The following LONRF1 variants were observed in gnomAD, a reference collection of about 807,000 sequenced individuals.
LONRF1 encodes the protein LON peptidase N-terminal domain and RING finger protein 1.
Under a neutral mutation model 85.8 loss-of-function variants are expected in LONRF1, and 37 were observed. The observed-to-expected ratio is 0.43, with a 90% CI of 0.33 to 0.57. The LOEUF is 0.57. LONRF1 is among the 20% of genes least tolerant of loss of function. The pLI is 0.04. For synonymous variants in LONRF1, 517 were observed against 390.1 expected, an observed-to-expected ratio of 1.33 and a Z score of -3.83; for missense variants, 1,036 against 978.0, an observed-to-expected ratio of 1.06 and a Z score of -0.79.
chr8:12,751,294 A>ATGTTTTTTTTTTTTTTGTTTTT (rs1554469326), intron 1 of LONRF1, among the ~76,000 whole-genome samples: 2 of 84,808 alleles, frequency 2.4e-5, no homozygotes, highest in Non-Finnish European at 4.5e-5. Context: ...TTTTATTTTT[A>ATGTTTTTTTTTTTTTTGTTTTT]TGTTTTTTTT....
At chr8:12,743,112 C>G (rs1799004377) in intron 2 of LONRF1, 52 bp downstream of exon 2, 2 of 1,138,568 alleles carry the variant, frequency 1.8e-6, no homozygotes, top group Admixed American at 1.7e-5. Context: ...GAATGCATGT[C>G]CCTTATAGTT....
At chr8:12,749,038 A>C (rs1443008584) in intron 1 of LONRF1, among the ~76,000 whole-genome samples, 1 of 152,186 alleles carries the variant, frequency 6.6e-6, no homozygotes, top group Non-Finnish European at 1.5e-5. Flanking sequence ...GCTTACCTCT[A>C]AAACACCTAC....
At chr8:12,729,369 A>G in intron 8 of LONRF1, 37 bp from the exon 9 acceptor site, 1 of 1,597,154 alleles carries the variant, frequency 6.3e-7, no homozygotes, top group Non-Finnish European at 8.6e-7. Context: ...GAATTCATAC[A>G]AGAAAAATAT....
At chr8:12,741,540 G>A (rs1015137059) in intron 2 of LONRF1, among the ~76,000 whole-genome samples, 1 of 152,170 alleles carries the variant, frequency 6.6e-6, no homozygotes, top group African/African-American at 2.4e-5. Flanking sequence ...CCAAGTCAGA[G>A]CTGGGCAGGA....
At chr8:12,733,219 T>A (rs1039316386) in intron 7 of LONRF1, among the ~76,000 whole-genome samples, 4 of 152,184 alleles carry the variant, frequency 2.6e-5, no homozygotes, top group African/African-American at 7.2e-5. Context: ...TTAATCAAAT[T>A]AGCTGTCATA....
In LONRF1 at chr8:12,737,049, G is replaced by C; in HGVS notation, c.1205C>G (p.Pro402Arg). ...SAQSINSTEM[P>R]AREDCLKRVS... The stretch of plus-strand genomic sequence containing the variant: ...TCTTTTTAAACAGTCCTCTCTGGCA[G>C]GCATTTCTGTTGAATTTATAGACTG... Residue 402 changes from proline (P) to arginine (R), a missense_variant, in exon 5 of 12, where the codon CCT (proline) becomes CGT (arginine). Transcript: ENST00000398246. The C allele has an allele frequency of 6.2e-7, 1 of 1,613,598 alleles. No individual in the cohort carries two copies. The highest frequency in any genetic ancestry group is 8.5e-7 in the Non-Finnish European group (1 of 1,179,704).
intron 11 of LONRF1, 125 bp from the exon 12 acceptor site, chr8:12,723,379 C>A: frequency 1.3e-6 from 1 of 798,898 alleles, no homozygotes; most frequent in East Asian, 2.6e-5. Flanking sequence ...TCTCCAATGT[C>A]CTTAACAATT....
At chr8:12,750,675 C>T (rs1799345056) in intron 1 of LONRF1, among the ~76,000 whole-genome samples, 2 of 152,142 alleles carry the variant, frequency 1.3e-5, no homozygotes, top group African/African-American at 4.8e-5. Context: ...TAAATGTATT[C>T]AGTATTTACC....
intron 11 of LONRF1, among the ~76,000 whole-genome samples, chr8:12,724,626 A>G (rs1336970420): frequency 1.3e-5 from 2 of 152,260 alleles, no homozygotes; most frequent in Non-Finnish European, 2.9e-5. Context: ...AAGCAGTGAT[A>G]CAGGACAGGA....
intron 1 of LONRF1, among the ~76,000 whole-genome samples, chr8:12,743,876 T>C (rs1372569717): frequency 6.6e-6 from 1 of 152,078 alleles, no homozygotes; most frequent in African/African-American, 2.4e-5. Context: ...ATTCAAAATA[T>C]ATTTAATTTA....
rs150255759 is a variant in LONRF1 at position 12,723,053 on chromosome 8, C to T, written c.*43G>A. On this transcript the variant is annotated 3_prime_UTR_variant, in exon 12 of 12. Coordinates refer to ENST00000398246, the MANE Select transcript of LONRF1 (RefSeq NM_152271.5). ...GCAGCAGACAATCTGGCCATCAATG[C>T]AGCCAGATTAGGGTCACTTTAAAGG... 8.0e-6 allele frequency: 12 copies of T among 1,503,358 alleles called. No homozygotes were observed. In the African/African-American group the frequency reaches 1.5e-4, roughly 19 times the overall value. 93.1% of individuals were successfully genotyped at this position (1,503,358 alleles called of 1,614,324 possible). A position where few individuals can be genotyped will look rare whatever the true frequency, so the allele number is the denominator to read the frequency against.
intron 7 of LONRF1, among the ~76,000 whole-genome samples, chr8:12,733,001 T>C (rs1798585091): frequency 1.3e-5 from 2 of 152,084 alleles, no homozygotes; most frequent in African/African-American, 2.4e-5. Context: ...AAACTGGTGG[T>C]GGTTTTCAAA....
At chr8:12,733,120 G>T (rs1250363394) in intron 7 of LONRF1, among the ~76,000 whole-genome samples, 2 of 152,140 alleles carry the variant, frequency 1.3e-5, no homozygotes, top group South Asian at 2.1e-4. Context: ...CAAGTTGTCA[G>T]GTGACAGATG....
chr8:12,743,153 A>G lies in LONRF1; in HGVS notation c.840+11T>C, dbSNP rs765194290. On this transcript the variant is annotated intron_variant, in intron 2 of 11. Coordinates refer to ENST00000398246, the MANE Select transcript of LONRF1 (RefSeq NM_152271.5). The stretch of plus-strand genomic sequence containing the variant: ...TTTACAATTTATGCAAACATAAAAC[A>G]GTAATTTTACCTCAGGCCAATCTGG... 4.0e-6 allele frequency: 6 copies of G among 1,510,982 alleles called. No homozygotes were observed. The South Asian group carries it at 6.8e-5, about 17-fold the overall frequency. 93.6% of individuals were successfully genotyped at this position (1,510,982 alleles called of 1,614,324 possible).
intron 1 of LONRF1, among the ~76,000 whole-genome samples, chr8:12,748,870 T>G (rs1303833602): frequency 1.3e-5 from 2 of 151,516 alleles, no homozygotes; most frequent in African/African-American, 2.4e-5. Flanking sequence ...TTACCAGGGT[T>G]GAGCTCAAAG....
At chr8:12,725,677 T>C (rs530109080) in intron 11 of LONRF1, 50 bp downstream of exon 11, 11 of 1,569,094 alleles carry the variant, frequency 7.0e-6, no homozygotes, top group Non-Finnish European at 9.6e-6. Context: ...AGTGTGCAAA[T>C]TTGGGTTTAT....
At position 12,738,040 on chromosome 8, in the gene LONRF1, T is replaced by C; in HGVS notation, c.1068A>G (p.Ser356=). The C allele has an allele frequency of 6.2e-7, 1 of 1,610,730 alleles. No individual in the cohort carries two copies. The highest frequency in any genetic ancestry group is 8.5e-7 in the Non-Finnish European group (1 of 1,178,568). ...TGAGAGACTGAGACTCTTCCATCAC[T>C]GAATGAAAATCAAAAGGTCTGTTTT... is the stretch of plus-strand genomic sequence containing the variant. ...CTKNRPFDFH[S]VMEESQSLNE... The change falls in exon 4 of 12, where the codon TCA becomes TCG. Residue 356 remains serine, a synonymous_variant. Coordinates refer to ENST00000398246, the MANE Select transcript of LONRF1 (RefSeq NM_152271.5).
chr8:12,724,412 C>A (rs182394096), intron 11 of LONRF1, among the ~76,000 whole-genome samples: 1 of 152,222 alleles, frequency 6.6e-6, no homozygotes. Context: ...TTCAGAAGCA[C>A]GCTGTTGGCT....
In LONRF1 at chr8:12,723,341, G is replaced by A. The variant is rs1805999103; in HGVS notation, c.2164-87C>T. The stretch of plus-strand genomic sequence containing the variant: ...AACCACCAAAAAATTACTATTTATT[G>A]AGCACTTGTACTATGTGCCAGGTGC... On this transcript the variant is annotated intron_variant, in intron 11 of 11. Coordinates refer to ENST00000398246, the MANE Select transcript of LONRF1 (RefSeq NM_152271.5). 5 of 1,286,162 alleles carry A rather than the reference G, an allele frequency of 3.9e-6. No homozygotes were observed. The South Asian group carries it at 5.8e-5, about 15-fold the overall frequency. The allele number at this position is 1,286,162 out of a possible 1,614,324, so 79.7% of individuals were successfully genotyped here. A position where few individuals can be genotyped will look rare whatever the true frequency, so the allele number is the denominator to read the frequency against.
Sources: gnomAD v4.1 joint callset for allele counts (sites outside exome capture counted in the v4.1 genomes callset) on GRCh38, gnomAD v4.1.1 for gene constraint, MANE v1.5 for transcripts, NCBI Gene and HGNC (gene_info 2026-07-23, HGNC 2026-07-21) for gene names.